The following ELP3 variants were observed in gnomAD, a reference collection of about 807,000 sequenced individuals.
ELP3 encodes the protein elongator complex protein 3.
A neutral mutation model predicts 74.9 loss-of-function variants in ELP3; 56 were observed. That is an observed-to-expected ratio of 0.75 (90% CI 0.60 to 0.93). ELP3 has a LOEUF of 0.93. ELP3 is among the 40% of genes least tolerant of loss of function. The probability of loss-of-function intolerance (pLI) is 0.00; values close to 1 mark genes in which losing one functional copy is unlikely to be tolerated. For missense variants in ELP3, 573 were observed against 686.5 expected (o/e 0.83, Z 1.85); for synonymous variants, 222 against 239.8 (o/e 0.93, Z 0.68).
chr8:28,165,089 G>C (rs1231017430), intron 14 of ELP3, among the ~76,000 whole-genome samples: 3 of 152,040 alleles, frequency 2.0e-5, no homozygotes, highest in Non-Finnish European at 2.9e-5. Context: ...TTCCATTCCT[G>C]CTTTGCCAGT....
intron 7 of ELP3, among the ~76,000 whole-genome samples, chr8:28,119,763 C>T (rs77622564): frequency 1.3e-5 from 2 of 151,790 alleles, no homozygotes; most frequent in African/African-American, 2.4e-5. Context: ...GTAAATCCTC[C>T]CCTGCGCCTC....
chr8:28,128,260 G>A (rs1476138908), intron 7 of ELP3, among the ~76,000 whole-genome samples: 1 of 152,074 alleles, frequency 6.6e-6, no homozygotes, highest in African/African-American at 2.4e-5. Context: ...GATCATTTGA[G>A]GTCAGGAGTT....
intron 3 of ELP3, among the ~76,000 whole-genome samples, chr8:28,106,046 AT>A (rs1811673650): frequency 6.6e-6 from 1 of 152,166 alleles, no homozygotes; most frequent in African/African-American, 2.4e-5. Flanking sequence ...GCTTAAAGAA[AT>A]TTTTTTCTTA....
intron 14 of ELP3, among the ~76,000 whole-genome samples, chr8:28,182,874 G>A (rs372484976): frequency 6.6e-6 from 1 of 152,356 alleles, no homozygotes; most frequent in East Asian, 1.9e-4. Flanking sequence ...ATTTGGTTCA[G>A]AAAAGGATCA....
At chr8:28,176,473 A>T (rs1200213065) in intron 14 of ELP3, among the ~76,000 whole-genome samples, 1 of 152,146 alleles carries the variant, frequency 6.6e-6, no homozygotes. Context: ...TCCTGTGGCT[A>T]CGGTGGAGCT....
At chr8:28,106,263 G>A (rs532724730) in intron 3 of ELP3, among the ~76,000 whole-genome samples, 30 of 152,198 alleles carry the variant, frequency 2.0e-4, no homozygotes, top group African/African-American at 6.7e-4. Context: ...AGCCTCGGCC[G>A]GGCGCGGTGG....
chr8:28,163,995 C>A (rs889282252), intron 14 of ELP3, among the ~76,000 whole-genome samples: 1 of 152,186 alleles, frequency 6.6e-6, no homozygotes, highest in African/African-American at 2.4e-5. Flanking sequence ...ACTGAGATAA[C>A]GACAACGCTC....
chr8:28,125,327 G>A (rs28559825), intron 7 of ELP3, among the ~76,000 whole-genome samples: 2,390 of 152,280 alleles, frequency 0.016, 65 homozygotes, highest in African/African-American at 0.053. Flanking sequence ...TTGAGTATGA[G>A]GTTGCAGCAT....
intron 5 of ELP3, among the ~76,000 whole-genome samples, chr8:28,108,447 ATTTTTTTTTC>A (rs1330048739): frequency 8.1e-6 from 1 of 123,314 alleles, no homozygotes; most frequent in Non-Finnish European, 1.7e-5. Flanking sequence ...TGGAATTTAC[ATTTTTTTTTC>A]TTTTTTTTTT....
chr8:28,127,569 A>G (rs897687285), intron 7 of ELP3, among the ~76,000 whole-genome samples: 63 of 152,000 alleles, frequency 4.1e-4, no homozygotes, highest in Admixed American at 7.9e-4. Context: ...TTTTCCCTCA[A>G]ACCCAATAAT....
At chr8:28,140,177 A>C (rs1360619271) in intron 10 of ELP3, among the ~76,000 whole-genome samples, 4 of 149,974 alleles carry the variant, frequency 2.7e-5, no homozygotes, top group African/African-American at 9.9e-5. Context: ...CAGTGTACTT[A>C]GTTTCCAGTG....
intron 14 of ELP3, among the ~76,000 whole-genome samples, chr8:28,179,628 A>G (rs939208992): frequency 6.6e-6 from 1 of 152,170 alleles, no homozygotes; most frequent in Non-Finnish European, 1.5e-5. Flanking sequence ...GGGAGCTCCA[A>G]GCTTATTTTC....
chr8:28,143,290 C>G (rs1813315176), intron 10 of ELP3, among the ~76,000 whole-genome samples: 1 of 151,064 alleles, frequency 6.6e-6, no homozygotes, highest in Non-Finnish European at 1.5e-5. Flanking sequence ...ATTTTATACT[C>G]CCCCCCAACA....
Position 28,127,492 on chromosome 8 carries a change from T to G in ELP3, c.618-2010T>G, listed in dbSNP as rs776295771. Reference sequence around the variant, plus strand: ...TGCTTTCTGGGGTTTTTTGGTACTTTTTTTTCAACCTTTGTATGGTGTGCT... The same window carrying G: ...TGCTTTCTGGGGTTTTTTGGTACTTGTTTTTCAACCTTTGTATGGTGTGCT... On this transcript the variant is annotated intron_variant, in intron 7 of 14. Transcript: ENST00000256398. Among the ~76,000 whole-genome samples, 6 of 152,344 alleles carry G rather than the reference T, an allele frequency of 3.9e-5. No individual in the cohort carries two copies. The South Asian group carries it at 1.2e-3, about 32-fold the overall frequency.
intron 3 of ELP3, 36 bp downstream of exon 3, chr8:28,100,002 G>A (rs373417780): frequency 1.9e-6 from 3 of 1,613,564 alleles, no homozygotes; most frequent in African/African-American, 2.7e-5. Flanking sequence ...CGACACACTG[G>A]GTATCTGTTC....
intron 3 of ELP3, among the ~76,000 whole-genome samples, chr8:28,104,615 C>T (rs1282189854): frequency 2.0e-5 from 3 of 152,198 alleles, no homozygotes; most frequent in African/African-American, 4.8e-5. Context: ...TTTTGTAGCA[C>T]GTCCCTCAGT....
intron 13 of ELP3, among the ~76,000 whole-genome samples, chr8:28,161,303 G>A (rs1814075894): frequency 6.6e-6 from 1 of 152,060 alleles, no homozygotes; most frequent in Non-Finnish European, 1.5e-5. Flanking sequence ...GCCGGGAGTG[G>A]TGGCTCACGC....
chr8:28,170,658 T>C (rs1259968930), intron 14 of ELP3, among the ~76,000 whole-genome samples: 1 of 152,178 alleles, frequency 6.6e-6, no homozygotes, highest in African/African-American at 2.4e-5. Flanking sequence ...AAATACTTAT[T>C]TTCCCCCTAC....
chr8:28,178,401 G>A (rs191524765), intron 14 of ELP3, among the ~76,000 whole-genome samples: 86 of 152,114 alleles, frequency 5.7e-4, no homozygotes, highest in Admixed American at 2.1e-3. Flanking sequence ...TATTTTCTTC[G>A]TAAGTATGTA....
Sources: gnomAD v4.1 joint callset for allele counts (sites outside exome capture counted in the v4.1 genomes callset) on GRCh38, gnomAD v4.1.1 for gene constraint, MANE v1.5 for transcripts, NCBI Gene and HGNC (gene_info 2026-07-23, HGNC 2026-07-21) for gene names.